GALNTL6: variants seen among roughly 807,000 people sequenced by gnomAD.
The protein encoded by GALNTL6 is polypeptide N-acetylgalactosaminyltransferase-like 6.
Under a neutral mutation model 73.7 loss-of-function variants are expected in GALNTL6, and 46 were observed. That is an observed-to-expected ratio of 0.62 (90% CI 0.49 to 0.80). The LOEUF (loss-of-function observed/expected upper bound fraction) is 0.80. Ranked by LOEUF, GALNTL6 falls within the 30% of genes least tolerant of loss-of-function variation. The probability of loss-of-function intolerance (pLI) is 0.00; values close to 1 mark genes in which losing one functional copy is unlikely to be tolerated. For synonymous variants in GALNTL6, 259 were observed against 263.7 expected (o/e 0.98, Z 0.17); for missense variants, 604 against 755.0 (o/e 0.80, Z 2.34).
chr4:172,206,962 C>G (rs905251864), intron 2 of GALNTL6, among the ~76,000 whole-genome samples: 2 of 151,374 alleles, frequency 1.3e-5, no homozygotes, highest in East Asian at 3.9e-4. Context: ...GGACTACAGG[C>G]ACCCACCACC....
rs1161728396 is a variant in GALNTL6 at position 172,069,607 on chromosome 4, A to ATATATAACACATATGTGT, written c.139-160043_139-160042insACACATATGTGTTATATA. On this transcript the variant is annotated intron_variant, in intron 2 of 12. Coordinates refer to ENST00000506823, the MANE Select transcript of GALNTL6 (RefSeq NM_001034845.3). ...ATTATATATATAACACATATATGTT[A>ATATATAACACATATGTGT]TATATATATAACATATATATATATC... 4.4e-4 allele frequency among the ~76,000 whole-genome samples: 27 copies of ATATATAACACATATGTGT among 60,736 alleles called. 8 individuals are homozygous for ATATATAACACATATGTGT. The Admixed American group carries it at 4.6e-3, about 10-fold the overall frequency. 39.8% of individuals were successfully genotyped at this position (60,736 alleles called of 152,430 possible).
intron 2 of GALNTL6, among the ~76,000 whole-genome samples, chr4:171,896,276 G>A (rs1402528044): frequency 6.6e-6 from 1 of 151,928 alleles, no homozygotes; most frequent in Non-Finnish European, 1.5e-5. Flanking sequence ...GCATATTACT[G>A]TTTAAAGTAA....
At chr4:172,951,400 CCTT>C (rs1419970428) in intron 9 of GALNTL6, among the ~76,000 whole-genome samples, 35 of 152,372 alleles carry the variant, frequency 2.3e-4, no homozygotes, top group African/African-American at 7.2e-4. Flanking sequence ...CCACCACCAA[CCTT>C]CTGCTTCCTT....
chr4:172,876,329 A>G (rs974766798), intron 7 of GALNTL6, among the ~76,000 whole-genome samples: 1 of 152,206 alleles, frequency 6.6e-6, no homozygotes, highest in Non-Finnish European at 1.5e-5. Context: ...CTTATCCAAA[A>G]AGCTGAGAAG....
At chr4:172,749,232 C>T (rs1049895886) in intron 5 of GALNTL6, among the ~76,000 whole-genome samples, 28 of 151,810 alleles carry the variant, frequency 1.8e-4, no homozygotes, top group African/African-American at 6.5e-4. Flanking sequence ...TCTTTGAGAC[C>T]TTCTATTATG....
intron 5 of GALNTL6, among the ~76,000 whole-genome samples, chr4:172,670,918 A>T (rs2111204155): frequency 6.6e-6 from 1 of 152,026 alleles, no homozygotes; most frequent in Admixed American, 6.5e-5. Flanking sequence ...TCCTTTCCTT[A>T]TTGCTTGTTT....
chr4:172,025,781 G>A (rs1359900904), intron 2 of GALNTL6, among the ~76,000 whole-genome samples: 2 of 151,748 alleles, frequency 1.3e-5, no homozygotes, highest in African/African-American at 2.4e-5. Flanking sequence ...TAAATAAGCA[G>A]GCCTTTGGTG....
intron 10 of GALNTL6, among the ~76,000 whole-genome samples, chr4:172,983,273 C>A (rs1751151491): frequency 6.6e-6 from 1 of 152,204 alleles, no homozygotes; most frequent in Admixed American, 6.5e-5. Context: ...GGAAGCACAG[C>A]CCTGCCGACA....
At chr4:172,939,944 C>T (rs1392520103) in intron 9 of GALNTL6, among the ~76,000 whole-genome samples, 1 of 152,094 alleles carries the variant, frequency 6.6e-6, no homozygotes, top group Admixed American at 6.6e-5. Flanking sequence ...AATTTTTAAA[C>T]TATATATTTT....
In GALNTL6 at chr4:171,814,537, A is replaced by G; in HGVS notation, c.-44A>G. ...TTGACATTAAACACAAGAAGCAGTC[A>G]GGGAGCCATCTCCTTTAACTTTTCT... On this transcript the variant is annotated 5_prime_UTR_variant, in exon 2 of 13. Coordinates refer to ENST00000506823, the MANE Select transcript of GALNTL6 (RefSeq NM_001034845.3). 1 of 1,607,096 alleles carries G rather than the reference A, an allele frequency of 6.2e-7. No homozygotes were observed. Among genetic ancestry groups the G allele is most frequent in the Non-Finnish European group, 8.5e-7 (1 of 1,175,344 alleles).
At chr4:172,736,806 A>T (rs902788373) in intron 5 of GALNTL6, among the ~76,000 whole-genome samples, 1 of 152,198 alleles carries the variant, frequency 6.6e-6, no homozygotes, top group South Asian at 2.1e-4. Context: ...TGGTCCCTCC[A>T]TTCGGGGTCC....
intron 5 of GALNTL6, among the ~76,000 whole-genome samples, chr4:172,709,588 G>T (rs532396978): frequency 1.3e-5 from 2 of 152,222 alleles, no homozygotes; most frequent in East Asian, 3.9e-4. Context: ...ATTCTCTGAA[G>T]TGCCTGAGCT....
At chr4:172,485,647 A>T (rs1228972664) in intron 5 of GALNTL6, among the ~76,000 whole-genome samples, 1 of 152,132 alleles carries the variant, frequency 6.6e-6, no homozygotes, top group Non-Finnish European at 1.5e-5. Context: ...AACCACAAAA[A>T]TATAATTTAC....
intron 10 of GALNTL6, among the ~76,000 whole-genome samples, chr4:172,998,769 T>A (rs1297818498): frequency 6.6e-6 from 1 of 152,114 alleles, no homozygotes; most frequent in Non-Finnish European, 1.5e-5. Context: ...CTTCTTATTT[T>A]CTCCTTCTTA....
chr4:172,534,369 G>T (rs1036772387), intron 5 of GALNTL6, among the ~76,000 whole-genome samples: 14 of 152,146 alleles, frequency 9.2e-5, no homozygotes, highest in Non-Finnish European at 2.1e-4. Context: ...TAAGATTCCA[G>T]GAATATGTGT....
chr4:172,971,179 G>A (rs1750564020), intron 10 of GALNTL6, among the ~76,000 whole-genome samples: 1 of 152,186 alleles, frequency 6.6e-6, no homozygotes, highest in South Asian at 2.1e-4. Context: ...GATGCAGCAA[G>A]AAGGGCCTCA....
At chr4:172,131,529 C>T (rs149766351) in intron 2 of GALNTL6, among the ~76,000 whole-genome samples, 88 of 149,636 alleles carry the variant, frequency 5.9e-4, no homozygotes, top group Middle Eastern at 3.5e-3. Context: ...TATACACACA[C>T]ACACATATGT....
At chr4:172,114,929 C>G (rs1732946387) in intron 2 of GALNTL6, among the ~76,000 whole-genome samples, 1 of 151,976 alleles carries the variant, frequency 6.6e-6, no homozygotes, top group South Asian at 2.1e-4. Flanking sequence ...TTAAGTGGCT[C>G]AATCCCACTC....
In GALNTL6 at chr4:172,044,078, C is replaced by T. The variant is rs1238451692; in HGVS notation, c.139-185578C>T. Among the ~76,000 whole-genome samples the T allele has an allele frequency of 1.3e-5, 2 of 151,804 alleles. 1 individual carries two copies. Among genetic ancestry groups the T allele is most frequent in the African/African-American group, 4.8e-5 (2 of 41,370 alleles). Reference sequence around the variant, plus strand: ...GCTCTTAGGAGTTTGGTTAAGATCTCTAGGATCTTAACCAAAACATTCAGA... The same window carrying T: ...GCTCTTAGGAGTTTGGTTAAGATCTTTAGGATCTTAACCAAAACATTCAGA... On this transcript the variant is annotated intron_variant, in intron 2 of 12. Coordinates refer to ENST00000506823, the MANE Select transcript of GALNTL6 (RefSeq NM_001034845.3).
Sources: allele counts gnomAD v4.1 joint callset (sites outside exome capture counted in the v4.1 genomes callset), GRCh38; gene constraint gnomAD v4.1.1; transcripts MANE v1.5; gene names NCBI Gene and HGNC (gene_info 2026-07-23, HGNC 2026-07-21).